Variants in TYW1B observed in about 807,000 individuals in gnomAD.
TYW1B encodes tRNA-yW synthesizing protein 1 homolog B, also known as S-adenosyl-L-methionine-dependent tRNA 4-demethylwyosine synthase TYW1B.
TYW1B carries 73 observed loss-of-function variants against 86.9 expected under a neutral mutation model. That is an observed-to-expected ratio of 0.84 (90% CI 0.70 to 1.02). The LOEUF (loss-of-function observed/expected upper bound fraction) is 1.02, where lower values mean the gene tolerates loss of function less well. Among genes scored for constraint, TYW1B ranks in the 50% least tolerant of loss-of-function variants. The pLI, the probability that TYW1B is intolerant of heterozygous loss-of-function variation, is 0.00. For synonymous variants in TYW1B, 248 were observed against 292.8 expected, an observed-to-expected ratio of 0.85 and a Z score of 1.56; for missense variants, 637 against 827.4, an observed-to-expected ratio of 0.77 and a Z score of 2.82.
intron 6 of TYW1B, among the ~76,000 whole-genome samples, chr7:72,787,400 T>C (rs543736120): frequency 6.7e-6 from 1 of 149,560 alleles, no homozygotes; most frequent in Admixed American, 6.7e-5. Flanking sequence ...GAGGCAGAGG[T>C]TGCAGTGAGC....
At chr7:72,727,777 T>C (rs1195696873) in intron 9 of TYW1B, among the ~76,000 whole-genome samples, 11 of 124,954 alleles carry the variant, frequency 8.8e-5, no homozygotes, top group Non-Finnish European at 1.7e-4. Flanking sequence ...TAGCACCACA[T>C]ACTCCAGCCT....
At chr7:72,730,749 T>C (rs1324023121) in intron 8 of TYW1B, among the ~76,000 whole-genome samples, 1 of 151,414 alleles carries the variant, frequency 6.6e-6, no homozygotes, top group Non-Finnish European at 1.5e-5. Context: ...ACAGGAATGA[T>C]GGGACACCAT....
chr7:72,687,443 A>T (rs1331491177), intron 11 of TYW1B, among the ~76,000 whole-genome samples: 2 of 152,172 alleles, frequency 1.3e-5, no homozygotes, highest in South Asian at 2.1e-4. Flanking sequence ...TCAAAAAAAT[A>T]AAATAAATAA....
chr7:72,592,830 C>A (rs1811427438), intron 13 of TYW1B, among the ~76,000 whole-genome samples: 2 of 152,100 alleles, frequency 1.3e-5, no homozygotes, highest in Admixed American at 1.3e-4. Flanking sequence ...AAAGGTTCAA[C>A]AGAGCAAGAA....
At chr7:72,765,999 T>C (rs1439502741) in intron 7 of TYW1B, among the ~76,000 whole-genome samples, 4 of 152,242 alleles carry the variant, frequency 2.6e-5, no homozygotes, top group South Asian at 2.1e-4. Flanking sequence ...AGACTTGTAA[T>C]TGAAATTTTA....
intron 7 of TYW1B, among the ~76,000 whole-genome samples, chr7:72,768,589 C>T (rs1224076379): frequency 6.6e-6 from 1 of 152,024 alleles, no homozygotes; most frequent in Non-Finnish European, 1.5e-5. Flanking sequence ...AGATCGAGAC[C>T]ATCCTGGCTA....
intron 11 of TYW1B, among the ~76,000 whole-genome samples, chr7:72,632,429 TATATATAC>T (rs1563038901): frequency 1.1e-5 from 1 of 92,014 alleles, no homozygotes; most frequent in Non-Finnish European, 2.0e-5. Flanking sequence ...ATATAAAATA[TATATATAC>T]GTATATATAT....
At chr7:72,604,423 C>G (rs1346665852) in intron 13 of TYW1B, among the ~76,000 whole-genome samples, 2 of 151,978 alleles carry the variant, frequency 1.3e-5, no homozygotes, top group Non-Finnish European at 2.9e-5. Flanking sequence ...GATCACGCCA[C>G]TGCACTCCAA....
intron 11 of TYW1B, among the ~76,000 whole-genome samples, chr7:72,659,987 T>C (rs1179780829): frequency 6.6e-6 from 1 of 152,078 alleles, no homozygotes; most frequent in East Asian, 1.9e-4. Context: ...ACATAGTAAA[T>C]ATTTTAGGCT....
chr7:72,818,080 A>T lies in TYW1B; in HGVS notation c.136-2599T>A, dbSNP rs553801725. ...TATCAGTTCATAGCTGGCTGTTAAA[A>T]AAAAAAAAAAAGCCTCACATCTCTC... On this transcript the variant is annotated intron_variant, in intron 2 of 13. Transcript: ENST00000620995. Among the ~76,000 whole-genome samples the T allele has an allele frequency of 4.1e-3, 617 of 151,114 alleles. 5 individuals carry two copies. The highest frequency in any genetic ancestry group is 0.014 in the African/African-American group (590 of 41,240).
At chr7:72,816,362 C>T (rs2129572834) in intron 2 of TYW1B, among the ~76,000 whole-genome samples, 1 of 152,114 alleles carries the variant, frequency 6.6e-6, no homozygotes. Context: ...GGCAACAAAA[C>T]TCCATCTCCA....
chr7:72,820,594 G>C (rs1424312081), intron 2 of TYW1B, among the ~76,000 whole-genome samples: 1 of 152,118 alleles, frequency 6.6e-6, no homozygotes, highest in African/African-American at 2.4e-5. Context: ...CGAGCACAAA[G>C]ATCACATAGC....
intron 11 of TYW1B, among the ~76,000 whole-genome samples, chr7:72,645,199 G>T (rs1183470897): frequency 6.6e-6 from 1 of 152,136 alleles, no homozygotes; most frequent in Non-Finnish European, 1.5e-5. Flanking sequence ...ATTGAAATTG[G>T]CTACTTCTTA....
chr7:72,596,235 A>C (rs145474365), intron 13 of TYW1B, among the ~76,000 whole-genome samples: 365 of 150,684 alleles, frequency 2.4e-3, no homozygotes, highest in Non-Finnish European at 3.9e-3. Flanking sequence ...TTACCTACAT[A>C]TTCAATACAG....
At chr7:72,803,099 T>C (rs1474352858) in intron 5 of TYW1B, among the ~76,000 whole-genome samples, 1 of 152,068 alleles carries the variant, frequency 6.6e-6, no homozygotes, top group Non-Finnish European at 1.5e-5. Flanking sequence ...TAGCCAGATG[T>C]GGTAGCACAT....
chr7:72,772,726 T>C (rs1413701678), intron 7 of TYW1B, among the ~76,000 whole-genome samples: 1 of 152,154 alleles, frequency 6.6e-6, no homozygotes, highest in Non-Finnish European at 1.5e-5. Flanking sequence ...AAGCCACAAT[T>C]ATCATGAGTC....
chr7:72,816,633 G>A (rs1213254233), intron 2 of TYW1B, among the ~76,000 whole-genome samples: 1 of 152,162 alleles, frequency 6.6e-6, no homozygotes, highest in Non-Finnish European at 1.5e-5. Flanking sequence ...AAACTGATGA[G>A]AGGTTAAACT....
intron 11 of TYW1B, among the ~76,000 whole-genome samples, chr7:72,686,253 T>C (rs1337783884): frequency 6.6e-6 from 1 of 152,176 alleles, no homozygotes; most frequent in Non-Finnish European, 1.5e-5. Flanking sequence ...AACACAAACT[T>C]GCACACAGAT....
At chr7:72,632,322 T>A (rs1270725608) in intron 11 of TYW1B, among the ~76,000 whole-genome samples, 13 of 51,696 alleles carry the variant, frequency 2.5e-4, no homozygotes, top group African/African-American at 1.5e-3. Context: ...TTATATATAT[T>A]ATATATATAT....
Sources: allele counts gnomAD v4.1 joint callset (sites outside exome capture counted in the v4.1 genomes callset), GRCh38; gene constraint gnomAD v4.1.1; transcripts MANE v1.5; gene names NCBI Gene and HGNC (gene_info 2026-07-23, HGNC 2026-07-21).